DNAH8: variants seen among roughly 807,000 people sequenced by gnomAD.
DNAH8 encodes dynein axonemal heavy chain 8.
DNAH8 carries 382 observed loss-of-function variants against 562.1 expected under a neutral mutation model. The observed-to-expected ratio is 0.68, with a 90% CI of 0.63 to 0.74. The LOEUF (loss-of-function observed/expected upper bound fraction) is 0.74, where lower values mean the gene tolerates loss of function less well. Ranked by LOEUF, DNAH8 falls within the 30% of genes least tolerant of loss-of-function variation. The pLI is 0.00. For missense variants in DNAH8, 5,203 were observed against 5,620.4 expected, an observed-to-expected ratio of 0.93 and a Z score of 2.37; for synonymous variants, 1,881 against 1,919.4, an observed-to-expected ratio of 0.98 and a Z score of 0.52.
In DNAH8 at chr6:38,796,063, A is replaced by T. The variant is rs527620925; in HGVS notation, c.2901+4389A>T. 3.9e-5 allele frequency among the ~76,000 whole-genome samples: 6 copies of T among 152,186 alleles called. No homozygotes were observed. In the South Asian group the frequency reaches 1.2e-3, roughly 32 times the overall value. ...CTTGGCCAGCTGGGTCCCTTTTAGG[A>T]TTTACCAATGGGTGTGCTAGAAGGA... On this transcript the variant is annotated intron_variant, in intron 21 of 92. Transcript: ENST00000327475.
At chr6:38,748,158 G>GA (rs1765116383) in intron 8 of DNAH8, among the ~76,000 whole-genome samples, 4 of 152,190 alleles carry the variant, frequency 2.6e-5, no homozygotes, top group Admixed American at 2.0e-4. Context: ...ATTCCTAGGA[G>GA]AAAATTTATG....
At chr6:38,759,897 C>T (rs1295376052) in intron 10 of DNAH8, among the ~76,000 whole-genome samples, 1 of 152,182 alleles carries the variant, frequency 6.6e-6, no homozygotes, top group South Asian at 2.1e-4. Flanking sequence ...ATGCTGTGTT[C>T]AGAGTTGAGC....
At position 39,030,101 on chromosome 6, in the gene DNAH8, C is replaced by G. The variant is rs994772210; in HGVS notation, c.13837-4C>G. 3 of 1,609,082 alleles carry G rather than the reference C, an allele frequency of 1.9e-6. No individual in the cohort carries two copies. In the South Asian group the frequency reaches 3.3e-5, roughly 18 times the overall value. ...TCCTATTACCTTATGCTTGACTCTT[C>G]CAGGAAGGTGTGTATATTTATGGGC... On this transcript the variant is annotated splice_region_variant and splice_polypyrimidine_tract_variant and intron_variant, in intron 92 of 92. Transcript: ENST00000327475.
chr6:38,988,325 G>C (rs535510986), intron 87 of DNAH8, among the ~76,000 whole-genome samples: 42 of 152,118 alleles, frequency 2.8e-4, no homozygotes, highest in African/African-American at 1.0e-3. Flanking sequence ...TCAGCTATTT[G>C]TATGTGTATA....
At chr6:39,001,476 A>G (rs1469608542) in intron 88 of DNAH8, among the ~76,000 whole-genome samples, 1 of 152,128 alleles carries the variant, frequency 6.6e-6, no homozygotes, top group African/African-American at 2.4e-5. Flanking sequence ...CTTAATATTA[A>G]TAGCTAGTTA....
intron 82 of DNAH8, among the ~76,000 whole-genome samples, chr6:38,955,492 G>T (rs1476424648): frequency 6.6e-6 from 1 of 152,028 alleles, no homozygotes; most frequent in Non-Finnish European, 1.5e-5. Flanking sequence ...TTAGCTGGGT[G>T]TGGTGGCGGG....
At position 38,990,044 on chromosome 6, in the gene DNAH8, A is replaced by C. The variant is rs752607167; in HGVS notation, c.13086A>C (p.Ser4362=). The C allele has an allele frequency of 4.3e-5, 69 of 1,602,170 alleles. No individual in the cohort carries two copies. Among genetic ancestry groups the C allele is most frequent in the Non-Finnish European group, 5.9e-5 (69 of 1,170,058 alleles). Residue 4362 remains serine, a synonymous_variant, in exon 88 of 93, where the codon TCA becomes TCC. Coordinates refer to ENST00000327475, the MANE Select transcript of DNAH8 (RefSeq NM_001206927.2). The part of the protein sequence containing the change: ...VWFSEKMFEP[S]FCFYTGYKIP... ...TCAGTGAGAAGATGTTTGAACCGTC[A>C]TTCTGCTTTTATACTGGATATAAAA...
chr6:38,909,387 T>A lies in DNAH8; in HGVS notation c.9514-131T>A, dbSNP rs567372582. ...TTCATCACAACATTAAATTTATATATGACTGCAGCCCAAGAAGATTCATTT... is the reference window on the plus strand; with the variant it reads ...TTCATCACAACATTAAATTTATATAAGACTGCAGCCCAAGAAGATTCATTT... On this transcript the variant is annotated intron_variant, in intron 64 of 92. Transcript: ENST00000327475. The A allele has an allele frequency of 3.2e-5, 24 of 740,028 alleles. No homozygotes were observed. The African/African-American group carries it at 4.0e-4, about 12-fold the overall frequency. The allele number at this position is 740,028 out of a possible 1,614,324, so 45.8% of individuals were successfully genotyped here. A position where few individuals can be genotyped will look rare whatever the true frequency, so the allele number is the denominator to read the frequency against.
At chr6:38,916,383 T>C (rs1236823167) in intron 68 of DNAH8, among the ~76,000 whole-genome samples, 1 of 152,194 alleles carries the variant, frequency 6.6e-6, no homozygotes, top group African/African-American at 2.4e-5. Context: ...TCAGTTCTTC[T>C]TCGAGGCCTT....
intron 88 of DNAH8, among the ~76,000 whole-genome samples, chr6:38,994,649 CTTTT>C (rs5875650): frequency 5.0e-5 from 6 of 119,728 alleles, no homozygotes; most frequent in Non-Finnish European, 5.3e-5. Context: ...CTTTTTTTTT[CTTTT>C]TTTTTTTTTT....
intron 10 of DNAH8, among the ~76,000 whole-genome samples, chr6:38,758,020 T>C (rs1399787715): frequency 2.0e-5 from 3 of 152,234 alleles, no homozygotes; most frequent in Admixed American, 2.0e-4. Context: ...GGCTCTTTTT[T>C]GGTGCCATAT....
chr6:38,781,380 C>T lies in DNAH8; in HGVS notation c.2259+7C>T. The T allele has an allele frequency of 1.9e-6, 3 of 1,611,580 alleles. No individual in the cohort carries two copies. The highest frequency in any genetic ancestry group is 2.5e-6 in the Non-Finnish European group (3 of 1,178,978). On this transcript the variant is annotated splice_region_variant and intron_variant, in intron 16 of 92. Transcript: ENST00000327475. ...GCCCATCAATTATTTCTTTGTAAGC[C>T]AAGAATTAAATTTTAATATGTGGAT...
chr6:38,952,859 AG>A (rs1370895385), intron 82 of DNAH8, among the ~76,000 whole-genome samples: 1 of 152,192 alleles, frequency 6.6e-6, no homozygotes, highest in Non-Finnish European at 1.5e-5. Flanking sequence ...TCTTCAAAGT[AG>A]GCAGTTTTGC....
At chr6:38,922,635 C>T (rs113770318) in intron 71 of DNAH8, among the ~76,000 whole-genome samples, 1,957 of 152,196 alleles carry the variant, frequency 0.013, 36 homozygotes, top group Middle Eastern at 0.037. Context: ...AGAGTTGATA[C>T]AAGCCGGCTG....
chr6:38,851,496 T>A, intron 38 of DNAH8, 76 bp from the exon 39 acceptor site: 1 of 821,216 alleles, frequency 1.2e-6, no homozygotes, highest in East Asian at 2.6e-5. Context: ...ATGTTAGTGA[T>A]TATGTCTTGA....
At chr6:38,834,527 G>T (rs900861117) in intron 31 of DNAH8, 52 bp from the exon 32 acceptor site, 1 of 1,284,942 alleles carries the variant, frequency 7.8e-7, no homozygotes, top group South Asian at 1.4e-5. Context: ...CCAATAAACT[G>T]ACAAATACAT....
At chr6:38,960,630 C>T (rs931286648) in intron 82 of DNAH8, among the ~76,000 whole-genome samples, 4 of 151,766 alleles carry the variant, frequency 2.6e-5, no homozygotes, top group Non-Finnish European at 5.9e-5. Flanking sequence ...CACATGCTGG[C>T]AATGATGTGG....
chr6:38,817,786 A>G (rs999795214), intron 26 of DNAH8, among the ~76,000 whole-genome samples: 1 of 152,218 alleles, frequency 6.6e-6, no homozygotes, highest in African/African-American at 2.4e-5. Flanking sequence ...AGCTAGGGAA[A>G]AAGCATGTGG....
chr6:38,900,653 T>G (rs918705622), intron 62 of DNAH8, among the ~76,000 whole-genome samples: 6 of 152,098 alleles, frequency 3.9e-5, no homozygotes, highest in Non-Finnish European at 8.8e-5. Context: ...AGTCTTGCTC[T>G]GTCGCCCAGG....
Sources: gnomAD v4.1 joint callset for allele counts (sites outside exome capture counted in the v4.1 genomes callset) on GRCh38, gnomAD v4.1.1 for gene constraint, MANE v1.5 for transcripts, NCBI Gene and HGNC (gene_info 2026-07-23, HGNC 2026-07-21) for gene names.